Variants in SYT1 observed in about 807,000 individuals in gnomAD.
The protein encoded by SYT1 is synaptotagmin 1, also known as synaptotagmin-1.
In SYT1, 8 loss-of-function variants were observed where a neutral mutation model predicts 44.8. The observed-to-expected ratio is 0.18, with a 90% CI of 0.10 to 0.32. The LOEUF is 0.32. SYT1 is among the 10% of genes least tolerant of loss of function. SYT1 has a pLI of 1.00. For synonymous variants in SYT1, 154 were observed against 188.8 expected, an observed-to-expected ratio of 0.82 and a Z score of 1.51; for missense variants, 286 against 509.3, an observed-to-expected ratio of 0.56 and a Z score of 4.22.
At chr12:79,292,171 C>T in intron 6 of SYT1, 41 bp downstream of exon 6, 1 of 1,582,856 alleles carries the variant, frequency 6.3e-7, no homozygotes. Context: ...ATTACATTTT[C>T]TGAAATTACC....
intron 9 of SYT1, among the ~76,000 whole-genome samples, chr12:79,379,908 T>C (rs1372847436): frequency 6.6e-6 from 1 of 152,146 alleles, no homozygotes; most frequent in Non-Finnish European, 1.5e-5. Context: ...GAAACAAGCC[T>C]AAGGAAATTA....
chr12:79,445,761 A>G (rs1226425641), intron 10 of SYT1, among the ~76,000 whole-genome samples: 1 of 151,062 alleles, frequency 6.6e-6, no homozygotes, highest in Non-Finnish European at 1.5e-5. Flanking sequence ...CACTCTTAAT[A>G]TGCCAAATTG....
chr12:78,898,072 C>G (rs546207235), intron 1 of SYT1, among the ~76,000 whole-genome samples: 1 of 152,012 alleles, frequency 6.6e-6, no homozygotes, highest in Non-Finnish European at 1.5e-5. Context: ...TCTGAAATTG[C>G]AAGTCTATAC....
At chr12:79,432,786 G>T (rs1869875526) in intron 9 of SYT1, among the ~76,000 whole-genome samples, 2 of 152,122 alleles carry the variant, frequency 1.3e-5, no homozygotes, top group South Asian at 2.1e-4. Flanking sequence ...GCTAATTTTT[G>T]TATTCTTAGT....
At chr12:78,975,139 G>T in intron 1 of SYT1, among the ~76,000 whole-genome samples, 1 of 125,842 alleles carries the variant, frequency 7.9e-6, no homozygotes, top group Non-Finnish European at 1.6e-5. Context: ...ACTAACTCCT[G>T]GTCACTTTTT....
Position 79,179,398 on chromosome 12 carries a change from C to A in SYT1, c.-17-38105C>A, listed in dbSNP as rs1483053224. On this transcript the variant is annotated intron_variant, in intron 3 of 10. Transcript: ENST00000261205. ...GATATAGATATATCGATATAGATAT[C>A]CATATAGATATAGATATAGATATAT... Among the ~76,000 whole-genome samples the A allele has an allele frequency of 4.1e-4, 34 of 82,344 alleles. 2 individuals are homozygous for A. The highest frequency in any genetic ancestry group is 2.1e-3 in the African/African-American group (34 of 16,406). The allele number at this position is 82,344 out of a possible 152,430, so 54.0% of individuals were successfully genotyped here. A position where few individuals can be genotyped will look rare whatever the true frequency, so the allele number is the denominator to read the frequency against.
chr12:79,282,206 G>A (rs926843511), intron 4 of SYT1, among the ~76,000 whole-genome samples: 4 of 152,086 alleles, frequency 2.6e-5, no homozygotes, highest in African/African-American at 4.8e-5. Context: ...CTCTTACCAG[G>A]CAGGGTAAGG....
intron 9 of SYT1, among the ~76,000 whole-genome samples, chr12:79,380,037 A>C (rs190788546): frequency 6.6e-6 from 1 of 152,284 alleles, no homozygotes; most frequent in Admixed American, 6.5e-5. Flanking sequence ...CCCTTTCCAG[A>C]AACAATCTGA....
intron 2 of SYT1, among the ~76,000 whole-genome samples, chr12:79,018,534 T>C (rs1871968295): frequency 6.6e-6 from 1 of 152,056 alleles, no homozygotes. Context: ...TTTCCTCTTA[T>C]ATAAAACAAA....
intron 8 of SYT1, among the ~76,000 whole-genome samples, chr12:79,307,248 G>C (rs1299599010): frequency 1.3e-5 from 2 of 152,120 alleles, no homozygotes; most frequent in Non-Finnish European, 2.9e-5. Flanking sequence ...TGAAAAACAA[G>C]AGCTTAAATA....
At chr12:79,371,089 A>G (rs1442299842) in intron 9 of SYT1, among the ~76,000 whole-genome samples, 2 of 152,186 alleles carry the variant, frequency 1.3e-5, no homozygotes, top group African/African-American at 4.8e-5. Context: ...GCATTTACTA[A>G]TTTCGTCTTG....
intron 2 of SYT1, among the ~76,000 whole-genome samples, chr12:78,993,937 A>G (rs974987383): frequency 1.3e-5 from 2 of 152,206 alleles, no homozygotes; most frequent in African/African-American, 4.8e-5. Context: ...GAAAGAATAA[A>G]GCTGACACAA....
intron 1 of SYT1, among the ~76,000 whole-genome samples, chr12:78,909,763 C>T (rs1237085936): frequency 3.9e-5 from 6 of 151,908 alleles, no homozygotes; most frequent in Admixed American, 3.9e-4. Context: ...TAACTAACAC[C>T]TATCTCAATA....
intron 2 of SYT1, among the ~76,000 whole-genome samples, chr12:78,994,055 CAT>C (rs1870197911): frequency 6.6e-6 from 1 of 152,230 alleles, no homozygotes; most frequent in Admixed American, 6.5e-5. Flanking sequence ...AACTCCTTCA[CAT>C]GTGTGGTTTT....
At chr12:79,002,926 C>A (rs1188871322) in intron 2 of SYT1, among the ~76,000 whole-genome samples, 1 of 152,012 alleles carries the variant, frequency 6.6e-6, no homozygotes, top group Admixed American at 6.6e-5. Flanking sequence ...TTATGCAGCA[C>A]CTTTCTTCCC....
chr12:79,045,959 G>T (rs1446966679), intron 2 of SYT1: 1 of 152,046 alleles, frequency 6.6e-6, no homozygotes, highest in African/African-American at 2.4e-5. Context: ...ACCTTAATGT[G>T]TATGTCCACA....
intron 3 of SYT1, among the ~76,000 whole-genome samples, chr12:79,083,526 T>C (rs1877176893): frequency 6.6e-6 from 1 of 152,094 alleles, no homozygotes; most frequent in Non-Finnish European, 1.5e-5. Flanking sequence ...ATAAATAGTA[T>C]TGGCTGAAAA....
intron 8 of SYT1, among the ~76,000 whole-genome samples, chr12:79,347,552 C>G (rs1374792878): frequency 6.6e-6 from 1 of 152,172 alleles, no homozygotes; most frequent in African/African-American, 2.4e-5. Flanking sequence ...CTAAAGGACA[C>G]ACCCCTATAA....
At chr12:79,032,945 A>T (rs558704062) in intron 2 of SYT1, among the ~76,000 whole-genome samples, 3 of 151,458 alleles carry the variant, frequency 2.0e-5, no homozygotes, top group African/African-American at 7.2e-5. Flanking sequence ...TTGAATTTCA[A>T]ATTGAACTTC....
Sources: allele counts gnomAD v4.1 joint callset (sites outside exome capture counted in the v4.1 genomes callset), GRCh38; gene constraint gnomAD v4.1.1; transcripts MANE v1.5; gene names NCBI Gene and HGNC (gene_info 2026-07-23, HGNC 2026-07-21).